Variants in PRRX1 observed in about 807,000 individuals in gnomAD.
The protein encoded by PRRX1 is paired mesoderm homeobox protein 1.
In PRRX1, 8 loss-of-function variants were observed where a neutral mutation model predicts 24.0. That is an observed-to-expected ratio of 0.33 (90% CI 0.20 to 0.60). The LOEUF (loss-of-function observed/expected upper bound fraction) is 0.60, where lower values mean the gene tolerates loss of function less well. PRRX1 is among the 20% of genes least tolerant of loss of function. PRRX1 has a pLI of 0.82. For synonymous variants in PRRX1, 160 were observed against 131.7 expected (o/e 1.22, Z -1.47); for missense variants, 281 against 322.4 (o/e 0.87, Z 0.98).
At chr1:170,724,710 T>G (rs1402442316) in intron 2 of PRRX1, among the ~76,000 whole-genome samples, 2 of 152,220 alleles carry the variant, frequency 1.3e-5, no homozygotes, top group African/African-American at 4.8e-5. Flanking sequence ...TGAAGTCAGA[T>G]AGTGTGATAC....
intron 1 of PRRX1, among the ~76,000 whole-genome samples, chr1:170,688,632 C>T (rs182080303): frequency 1.6e-3 from 244 of 151,944 alleles, no homozygotes; most frequent in Non-Finnish European, 2.9e-3. Flanking sequence ...GTTTCATAGA[C>T]GAAACATTAT....
At chr1:170,670,492 G>T (rs1653108822) in intron 1 of PRRX1, among the ~76,000 whole-genome samples, 1 of 152,146 alleles carries the variant, frequency 6.6e-6, no homozygotes, top group South Asian at 2.1e-4. Context: ...GGGTTGGCAG[G>T]TTTGTTTTTC....
upstream of PRRX1, chr1:170,663,150 G>A (rs1245997401): frequency 6.6e-6 from 1 of 151,670 alleles, no homozygotes; most frequent in Admixed American, 6.6e-5. Context: ...GGCAAAGGGG[G>A]TTTTCTTAAT....
At chr1:170,683,846 G>A (rs1653635914) in intron 1 of PRRX1, among the ~76,000 whole-genome samples, 1 of 152,136 alleles carries the variant, frequency 6.6e-6, no homozygotes, top group African/African-American at 2.4e-5. Flanking sequence ...TCTTTTTAGT[G>A]TGTATGCATT....
At chr1:170,728,831 C>T (rs1655336578) in intron 3 of PRRX1, 1 of 152,128 alleles carries the variant, frequency 6.6e-6, no homozygotes, top group African/African-American at 2.4e-5. Flanking sequence ...TATGATTTCA[C>T]ACTTTGAAGC....
chr1:170,698,289 A>C (rs1654239702), intron 1 of PRRX1, among the ~76,000 whole-genome samples: 2 of 152,244 alleles, frequency 1.3e-5, no homozygotes, highest in Non-Finnish European at 2.9e-5. Context: ...TTAAAGCTAA[A>C]TAAGGCTATA....
chr1:170,667,987 C>T (rs1653008752), intron 1 of PRRX1: 1 of 151,800 alleles, frequency 6.6e-6, no homozygotes. Flanking sequence ...ACCCCACTCA[C>T]CATCAGCAAT....
At chr1:170,689,399 A>G (rs1371197958) in intron 1 of PRRX1, among the ~76,000 whole-genome samples, 1 of 152,152 alleles carries the variant, frequency 6.6e-6, no homozygotes, top group East Asian at 1.9e-4. Context: ...TTTTGAATTT[A>G]CTTAATGCAA....
At chr1:170,718,239 G>A (rs1654967503) in intron 1 of PRRX1, among the ~76,000 whole-genome samples, 1 of 152,190 alleles carries the variant, frequency 6.6e-6, no homozygotes, top group Non-Finnish European at 1.5e-5. Context: ...AAGAAGAAAT[G>A]TGCAGTCTCT....
rs1238765854 is a variant in PRRX1 at position 170,736,217 on chromosome 1, G to A, written c.*31G>A. On this transcript the variant is annotated 3_prime_UTR_variant, in exon 4 of 4. Transcript: ENST00000239461. ...AAAAATAATTAAACAGGCCTAAGAA[G>A]AAATCAAAAACCATAAGACACCTAT... The A allele has an allele frequency of 6.2e-7, 1 of 1,612,304 alleles. No individual in the cohort carries two copies. The highest frequency in any genetic ancestry group is 1.3e-5 in the African/African-American group (1 of 74,612).
At chr1:170,694,880 C>T (rs151284956) in intron 1 of PRRX1, among the ~76,000 whole-genome samples, 136 of 152,062 alleles carry the variant, frequency 8.9e-4, no homozygotes, top group African/African-American at 2.9e-3. Context: ...TTTAAAATAA[C>T]GGTAGACTTA....
At chr1:170,707,533 T>C (rs1654608716) in intron 1 of PRRX1, among the ~76,000 whole-genome samples, 2 of 152,210 alleles carry the variant, frequency 1.3e-5, no homozygotes, top group Admixed American at 1.3e-4. Context: ...TTTTCTCAAA[T>C]CCTTTCTTCC....
At chr1:170,666,619 G>A (rs1571309027) in intron 1 of PRRX1, among the ~76,000 whole-genome samples, 1 of 152,096 alleles carries the variant, frequency 6.6e-6, no homozygotes, top group East Asian at 1.9e-4. Flanking sequence ...ACCAGAGTGG[G>A]GCAGGAGAGA....
intron 1 of PRRX1, among the ~76,000 whole-genome samples, chr1:170,719,372 C>G (rs1439056087): frequency 6.6e-6 from 1 of 152,162 alleles, no homozygotes; most frequent in Non-Finnish European, 1.5e-5. Context: ...AGGTACAAAA[C>G]CATTTACTCT....
chr1:170,711,717 G>GA (rs555442503), intron 1 of PRRX1, among the ~76,000 whole-genome samples: 75 of 152,162 alleles, frequency 4.9e-4, no homozygotes, highest in Non-Finnish European at 9.4e-4. Context: ...AGTGCAAAGG[G>GA]AAAAAAACCT....
chr1:170,739,277 A>C lies in PRRX1; in HGVS notation c.*3091A>C, dbSNP rs1655718521. ...CTTAATAAAAAAGGGAATGACATTT[A>C]GGGTATAAAGATCTCATAAGAAATG... On this transcript the variant is annotated 3_prime_UTR_variant, in exon 4 of 4. Transcript: ENST00000239461. 5.3e-6 allele frequency: 1 copy of C among 190,340 alleles called. No homozygotes were observed. The highest frequency in any genetic ancestry group is 2.3e-5 in the African/African-American group (1 of 42,972). The allele number at this position is 190,340 out of a possible 1,614,324, so 11.8% of individuals were successfully genotyped here.
intron 1 of PRRX1, among the ~76,000 whole-genome samples, chr1:170,706,926 CA>C (rs1654587915): frequency 6.6e-6 from 1 of 151,472 alleles, no homozygotes; most frequent in African/African-American, 2.4e-5. Context: ...ACCAGGAGTT[CA>C]AGACTAGTCT....
At chr1:170,693,867 G>A (rs979643442) in intron 1 of PRRX1, among the ~76,000 whole-genome samples, 1 of 152,046 alleles carries the variant, frequency 6.6e-6, no homozygotes, top group Non-Finnish European at 1.5e-5. Context: ...GGTCTGCATA[G>A]TATACAACTC....
intron 3 of PRRX1, chr1:170,730,169 C>G (rs1650650605): frequency 1.0e-6 from 1 of 952,586 alleles, no homozygotes; most frequent in Non-Finnish European, 1.7e-6. Flanking sequence ...TTGTCCACAG[C>G]TTCCCTCCCC....
Sources: allele counts gnomAD v4.1 joint callset (sites outside exome capture counted in the v4.1 genomes callset), GRCh38; gene constraint gnomAD v4.1.1; transcripts MANE v1.5; gene names NCBI Gene and HGNC (gene_info 2026-07-23, HGNC 2026-07-21).